Variants in PABPC4 observed in about 807,000 individuals in gnomAD.
The protein encoded by PABPC4 is poly(A) binding protein cytoplasmic 4, also known as polyadenylate-binding protein 4.
Under a neutral mutation model 74.5 loss-of-function variants are expected in PABPC4, and 15 were observed. That is an observed-to-expected ratio of 0.20 (90% CI 0.13 to 0.31). The LOEUF (loss-of-function observed/expected upper bound fraction) is 0.31, where lower values mean the gene tolerates loss of function less well. Ranked by LOEUF, PABPC4 falls within the 10% of genes least tolerant of loss-of-function variation. The pLI is 1.00. For missense variants in PABPC4, 610 were observed against 853.5 expected, an observed-to-expected ratio of 0.71 and a Z score of 3.55; for synonymous variants, 345 against 303.0, an observed-to-expected ratio of 1.14 and a Z score of -1.44.
intron 4 of PABPC4, 38 bp downstream of exon 4, chr1:39,569,825 T>C: frequency 5.6e-6 from 9 of 1,611,654 alleles, no homozygotes; most frequent in Non-Finnish European, 7.6e-6. Flanking sequence ...CAGATGGGTC[T>C]GGTAGACTGT....
At chr1:39,574,843 T>C (rs952105926) in intron 1 of PABPC4, among the ~76,000 whole-genome samples, 1 of 152,252 alleles carries the variant, frequency 6.6e-6, no homozygotes. Context: ...AGGTTTCCTC[T>C]GGCCTCCCTC....
intron 7 of PABPC4, among the ~76,000 whole-genome samples, chr1:39,566,825 G>C (rs115000761): frequency 8.0e-5 from 12 of 150,896 alleles, no homozygotes; most frequent in African/African-American, 2.0e-4. Context: ...GCCAGTCAAG[G>C]GGGGGGTCAT....
chr1:39,564,445 G>A lies in PABPC4; in HGVS notation c.1431C>T (p.Leu477=). Reference sequence around the variant, plus strand: ...CACCGACTCTCTGAGTGGTAGTAGGGAGGCCACGAGAGGCCGGAGCATTAC... The same window carrying A: ...CACCGACTCTCTGAGTGGTAGTAGGAAGGCCACGAGAGGCCGGAGCATTAC... ...PTGNAPASRG[L]PTTTQRVGSE... The change falls in exon 10 of 16, where the codon CTC becomes CTT. Residue 477 remains leucine (L), a synonymous_variant. Transcript: ENST00000372858. The A allele has an allele frequency of 1.2e-6, 2 of 1,614,054 alleles. No homozygotes were observed. The highest frequency in any genetic ancestry group is 8.5e-7 in the Non-Finnish European group (1 of 1,180,036).
chr1:39,567,931 C>A, intron 6 of PABPC4, 85 bp from the exon 7 acceptor site: 1 of 711,420 alleles, frequency 1.4e-6, no homozygotes, highest in Non-Finnish European at 2.4e-6. Flanking sequence ...GGCCCCAGAC[C>A]AGGAGCACCA....
Position 39,576,587 on chromosome 1 carries a change from G to C in PABPC4, c.-636C>G, listed in dbSNP as rs1382714003. 6.7e-6 allele frequency: 1 copy of C among 149,826 alleles called. No homozygotes were observed. Among genetic ancestry groups the C allele is most frequent in the South Asian group, 1.9e-4 (1 of 5,228 alleles). The allele number at this position is 149,826 out of a possible 1,614,324, so 9.3% of individuals were successfully genotyped here. ...ACGGACGGAGACCGACGGACGCCAA[G>C]CGCTGCGGCGGCGGGCGCGGGGCAG... On this transcript the variant is annotated 5_prime_UTR_variant, in exon 1 of 16. Coordinates refer to ENST00000372858, the MANE Select transcript of PABPC4 (RefSeq NM_001135653.2).
chr1:39,564,253 G>A, intron 10 of PABPC4, 170 bp downstream of exon 10: 1 of 712,932 alleles, frequency 1.4e-6, no homozygotes, highest in South Asian at 1.9e-5. Context: ...GACACACCTA[G>A]AACTCATACT....
intron 5 of PABPC4, 144 bp downstream of exon 5, chr1:39,569,450 AG>A (rs1345590255): frequency 3.1e-6 from 2 of 653,530 alleles, no homozygotes; most frequent in East Asian, 2.6e-5. Flanking sequence ...TGCGGAACCC[AG>A]GAAGATGATC....
At chr1:39,570,518 T>A (rs1645924703) in intron 3 of PABPC4, 1 of 155,202 alleles carries the variant, frequency 6.4e-6, no homozygotes, top group African/African-American at 2.4e-5. Context: ...ACAGACATTA[T>A]AAAGATAACC....
intron 5 of PABPC4, 169 bp downstream of exon 5, chr1:39,569,426 A>T: frequency 1.6e-6 from 1 of 618,874 alleles, no homozygotes; most frequent in Non-Finnish European, 2.9e-6. Flanking sequence ...GTAAACACCT[A>T]CATGAAGTTA....
intron 8 of PABPC4, 124 bp from the exon 9 acceptor site, chr1:39,564,897 C>CAA: frequency 1.1e-6 from 1 of 910,608 alleles, no homozygotes; most frequent in East Asian, 2.5e-5. Flanking sequence ...TATTCAAGAG[C>CAA]TGAGGGGTCA....
At chr1:39,562,437 T>C (rs186210881) in intron 12 of PABPC4, 21 bp from the exon 13 acceptor site, 2 of 1,594,906 alleles carry the variant, frequency 1.3e-6, no homozygotes, top group East Asian at 2.2e-5. Flanking sequence ...GGAAAGGCAG[T>C]GGGTTAGCAC....
rs1354973046 is a variant in PABPC4 at position 39,576,370 on chromosome 1, G to A, written c.-419C>T. 1 of 154,638 alleles carries A rather than the reference G, an allele frequency of 6.5e-6. No homozygotes were observed. The highest frequency in any genetic ancestry group is 2.4e-5 in the African/African-American group (1 of 41,542). 9.6% of individuals were successfully genotyped at this position (154,638 alleles called of 1,614,324 possible). Reference sequence around the variant, plus strand: ...TCTATAAATATAGGCCTCGGGCTCCGGCGGTTTAAGATTACAACCGCCGGG... The same window carrying A: ...TCTATAAATATAGGCCTCGGGCTCCAGCGGTTTAAGATTACAACCGCCGGG... On this transcript the variant is annotated 5_prime_UTR_variant, in exon 1 of 16. Transcript: ENST00000372858.
chr1:39,569,759 T>C, intron 4 of PABPC4, 70 bp from the exon 5 acceptor site: 2 of 1,586,142 alleles, frequency 1.3e-6, no homozygotes, highest in Non-Finnish European at 1.7e-6. Flanking sequence ...GGCTTCCCTC[T>C]GGAAACTCAC....
chr1:39,563,392 G>A (rs1476253121), intron 12 of PABPC4: 12 of 536,018 alleles, frequency 2.2e-5, no homozygotes, highest in East Asian at 3.3e-5. Context: ...CTGGCTGCCC[G>A]CTCTGAGGCA....
intron 5 of PABPC4, among the ~76,000 whole-genome samples, chr1:39,569,158 A>G (rs1219989528): frequency 6.6e-6 from 1 of 152,242 alleles, no homozygotes; most frequent in Non-Finnish European, 1.5e-5. Context: ...GTACAGGTGT[A>G]TAAACACAAG....
Position 39,569,847 on chromosome 1 carries a change from A to T in PABPC4, c.643+16T>A. The T allele has an allele frequency of 6.2e-7, 1 of 1,613,446 alleles. No individual in the cohort carries two copies. Among genetic ancestry groups the T allele is most frequent in the Non-Finnish European group, 8.5e-7 (1 of 1,179,640 alleles). On this transcript the variant is annotated intron_variant, in intron 4 of 15. Coordinates refer to ENST00000372858, the MANE Select transcript of PABPC4 (RefSeq NM_001135653.2). The stretch of plus-strand genomic sequence containing the variant: ...GTCTGGTAGACTGTGAAAGGAGACA[A>T]GGAACCCCAACTTACCAAACTGACT...
At position 39,560,937 on chromosome 1, in the gene PABPC4, C is replaced by T; in HGVS notation, c.*199G>A. ...AAAAAAGTTAACACTGTCTGGGCCACAGCAGAACCCAAAGAACATATTCGT... is the reference window on the plus strand; with the variant it reads ...AAAAAAGTTAACACTGTCTGGGCCATAGCAGAACCCAAAGAACATATTCGT... On this transcript the variant is annotated 3_prime_UTR_variant, in exon 16 of 16. Transcript: ENST00000372858. 3.5e-6 allele frequency: 1 copy of T among 281,798 alleles called. No individual in the cohort carries two copies. The allele number at this position is 281,798 out of a possible 1,614,324, so 17.5% of individuals were successfully genotyped here.
In PABPC4 at chr1:39,569,652, A is replaced by G. The variant is rs1222863241; in HGVS notation, c.681T>C (p.Asn227=). 2 of 1,614,142 alleles carry G rather than the reference A, an allele frequency of 1.2e-6. No homozygotes were observed. Among genetic ancestry groups the G allele is most frequent in the South Asian group, 1.1e-5 (1 of 91,074 alleles). ...TLSVKVMRDP[N]GKSKGFGFVS... ...CAAAGCCAAAGCCTTTGGATTTCCC[A>G]TTGGGATCTCTCATCACCTTGACAC... Residue 227 remains asparagine (N), a synonymous_variant, in exon 5 of 16, where the codon AAT becomes AAC. Coordinates refer to ENST00000372858, the MANE Select transcript of PABPC4 (RefSeq NM_001135653.2).
intron 6 of PABPC4, chr1:39,568,391 G>C (rs1645884898): frequency 5.9e-6 from 1 of 169,772 alleles, no homozygotes; most frequent in East Asian, 1.7e-4. Context: ...CAAGTCCAAA[G>C]TTGTGAAACT....
Sources: allele counts gnomAD v4.1 joint callset (sites outside exome capture counted in the v4.1 genomes callset), GRCh38; gene constraint gnomAD v4.1.1; transcripts MANE v1.5; gene names NCBI Gene and HGNC (gene_info 2026-07-23, HGNC 2026-07-21).